The following SYCP1 variants were observed in gnomAD, a reference collection of about 807,000 sequenced individuals.
The protein encoded by SYCP1 is cancer/testis antigen 8.
Under a neutral mutation model 153.1 loss-of-function variants are expected in SYCP1, and 64 were observed. That is an observed-to-expected ratio of 0.42 (90% CI 0.34 to 0.51). SYCP1 has a LOEUF of 0.51. Among genes scored for constraint, SYCP1 ranks in the 20% least tolerant of loss-of-function variants. The pLI is 0.06. For missense variants in SYCP1, 997 were observed against 1,049.0 expected, an observed-to-expected ratio of 0.95 and a Z score of 0.68; for synonymous variants, 384 against 341.8, an observed-to-expected ratio of 1.12 and a Z score of -1.36.
chr1:114,976,115 T>G (rs1339729), intron 27 of SYCP1, among the ~76,000 whole-genome samples: 30,028 of 151,752 alleles, frequency 0.2, 3,461 homozygotes, highest in Non-Finnish European at 0.26. Context: ...CAATTACCCA[T>G]GTCTTAATAT....
chr1:114,950,019 T>A (rs1670990145), intron 27 of SYCP1, among the ~76,000 whole-genome samples: 1 of 152,224 alleles, frequency 6.6e-6, no homozygotes, highest in Admixed American at 6.5e-5. Flanking sequence ...TGTGATAGAT[T>A]GTTTTATTCA....
chr1:114,993,033 A>G (rs1412504613), intron 30 of SYCP1, among the ~76,000 whole-genome samples: 1 of 151,522 alleles, frequency 6.6e-6, no homozygotes, highest in Non-Finnish European at 1.5e-5. Flanking sequence ...GAAAAGATGA[A>G]TGCTATGAAG....
At chr1:114,856,467 A>ATAG (rs1185990624) in intron 2 of SYCP1, 106 bp from the exon 3 acceptor site, 1 of 673,316 alleles carries the variant, frequency 1.5e-6, no homozygotes, top group African/African-American at 1.8e-5. Flanking sequence ...ATTTGCAATT[A>ATAG]TAGTAACCTT....
intron 18 of SYCP1, among the ~76,000 whole-genome samples, chr1:114,912,663 A>T (rs1036421968): frequency 6.6e-6 from 1 of 152,024 alleles, no homozygotes; most frequent in Non-Finnish European, 1.5e-5. Flanking sequence ...TAATCAGGTT[A>T]TAGGAAGTTT....
chr1:114,857,560 G>A, intron 5 of SYCP1, 63 bp downstream of exon 5: 2 of 1,153,878 alleles, frequency 1.7e-6, no homozygotes, highest in Non-Finnish European at 2.4e-6. Context: ...TTACCTATAT[G>A]TATATTTCTT....
At chr1:114,911,635 C>A in intron 18 of SYCP1, 53 bp downstream of exon 18, 1 of 855,830 alleles carries the variant, frequency 1.2e-6, no homozygotes, top group Non-Finnish European at 1.6e-6. Context: ...CCTAAGCTTT[C>A]TGATAATAAA....
chr1:114,966,919 A>G (rs1344086149), intron 27 of SYCP1, among the ~76,000 whole-genome samples: 1 of 152,088 alleles, frequency 6.6e-6, no homozygotes, highest in Admixed American at 6.5e-5. Flanking sequence ...TTCTGACCTC[A>G]GGTGATTGGC....
intron 30 of SYCP1, among the ~76,000 whole-genome samples, chr1:114,990,580 C>T (rs893164664): frequency 6.6e-6 from 1 of 151,670 alleles, no homozygotes; most frequent in Non-Finnish European, 1.5e-5. Flanking sequence ...ATAGGCACAC[C>T]TTTAGCTAGA....
chr1:114,957,704 G>A (rs575078440), intron 27 of SYCP1, among the ~76,000 whole-genome samples: 1 of 152,042 alleles, frequency 6.6e-6, no homozygotes, highest in Admixed American at 6.5e-5. Flanking sequence ...TAATCATCAG[G>A]GAAACACAAA....
At chr1:114,915,533 G>A (rs1166295537) in intron 20 of SYCP1, among the ~76,000 whole-genome samples, 17 of 152,176 alleles carry the variant, frequency 1.1e-4, no homozygotes, top group Non-Finnish European at 2.2e-4. Flanking sequence ...AGTTATTTCT[G>A]GTTGAATCCG....
At chr1:114,885,361 A>G (rs1328242276) in intron 12 of SYCP1, among the ~76,000 whole-genome samples, 174 bp from the exon 13 acceptor site, 3 of 152,128 alleles carry the variant, frequency 2.0e-5, no homozygotes, top group African/African-American at 7.2e-5. Flanking sequence ...ACAATCTTGA[A>G]AAGTCAATAA....
chr1:114,880,232 A>G (rs1205488765), intron 12 of SYCP1, among the ~76,000 whole-genome samples: 1 of 152,222 alleles, frequency 6.6e-6, no homozygotes, highest in Non-Finnish European at 1.5e-5. Flanking sequence ...AGAACTCACC[A>G]TCCAAGAACT....
upstream of SYCP1, chr1:114,854,685 A>C (rs1277249495): frequency 6.6e-6 from 1 of 152,254 alleles, no homozygotes; most frequent in Non-Finnish European, 1.5e-5. Flanking sequence ...AGAGCCTGAC[A>C]GTTTCCCTAG....
intron 12 of SYCP1, among the ~76,000 whole-genome samples, chr1:114,884,243 G>A (rs1259505464): frequency 1.3e-5 from 2 of 152,184 alleles, no homozygotes; most frequent in Middle Eastern, 6.8e-3. Flanking sequence ...TATACTTCAA[G>A]CCTTATGCTC....
In SYCP1 at chr1:114,977,422, T is replaced by C. The variant is rs1008694676; in HGVS notation, c.2323-135T>C. ...GAAAGGAACTAACTTTTCTTTTTTTTCTTTTTATTACTTTATAAGATTGAG... is the reference window on the plus strand; with the variant it reads ...GAAAGGAACTAACTTTTCTTTTTTTCCTTTTTATTACTTTATAAGATTGAG... On this transcript the variant is annotated intron_variant, in intron 27 of 31. Coordinates refer to ENST00000369522, the MANE Select transcript of SYCP1 (RefSeq NM_003176.4). The C allele has an allele frequency of 1.7e-5, 9 of 540,692 alleles. No individual in the cohort carries two copies. In the African/African-American group the frequency reaches 1.8e-4, roughly 11 times the overall value. The allele number at this position is 540,692 out of a possible 1,614,324, so 33.5% of individuals were successfully genotyped here.
chr1:114,904,054 A>G (rs1667651498), intron 16 of SYCP1, among the ~76,000 whole-genome samples: 2 of 151,848 alleles, frequency 1.3e-5, no homozygotes, highest in Non-Finnish European at 2.9e-5. Flanking sequence ...CATTTTCAAA[A>G]TTGTTGTAGC....
chr1:114,994,274 A>C (rs540440044), intron 30 of SYCP1, among the ~76,000 whole-genome samples: 1 of 151,218 alleles, frequency 6.6e-6, no homozygotes, highest in South Asian at 2.1e-4. Flanking sequence ...TAATATTATA[A>C]GTTTTTTTAG....
At chr1:114,967,405 T>C (rs1672199635) in intron 27 of SYCP1, among the ~76,000 whole-genome samples, 1 of 152,236 alleles carries the variant, frequency 6.6e-6, no homozygotes, top group Admixed American at 6.5e-5. Flanking sequence ...CTTGTTGCAT[T>C]GATCCCTTTA....
intron 23 of SYCP1, among the ~76,000 whole-genome samples, chr1:114,937,073 G>A (rs1402436363): frequency 6.6e-6 from 1 of 152,184 alleles, no homozygotes; most frequent in Non-Finnish European, 1.5e-5. Context: ...CCAAAAAAGA[G>A]CCCGCATTGC....
Sources: gnomAD v4.1 joint callset for allele counts (sites outside exome capture counted in the v4.1 genomes callset) on GRCh38, gnomAD v4.1.1 for gene constraint, MANE v1.5 for transcripts, NCBI Gene and HGNC (gene_info 2026-07-23, HGNC 2026-07-21) for gene names.